Variants in ZNF704 observed in about 807,000 individuals in gnomAD.
ZNF704 encodes the protein glucocorticoid induced gene 1.
In ZNF704, 10 loss-of-function variants were observed where a neutral mutation model predicts 44.7. The observed-to-expected ratio is 0.22, with a 90% confidence interval of 0.14 to 0.38. The LOEUF is 0.38. Among genes scored for constraint, ZNF704 ranks in the 10% least tolerant of loss-of-function variants. ZNF704 has a pLI of 1.00. For synonymous variants in ZNF704, 211 were observed against 207.6 expected, an observed-to-expected ratio of 1.02 and a Z score of -0.14; for missense variants, 390 against 545.5, an observed-to-expected ratio of 0.71 and a Z score of 2.84.
intron 2 of ZNF704, among the ~76,000 whole-genome samples, chr8:80,782,075 G>A (rs1807533329): frequency 6.6e-6 from 1 of 152,206 alleles, no homozygotes; most frequent in Non-Finnish European, 1.5e-5. Flanking sequence ...AGAATGGGCA[G>A]TTGCCTTCCC....
intron 2 of ZNF704, among the ~76,000 whole-genome samples, chr8:80,815,947 G>A (rs998615446): frequency 6.6e-6 from 1 of 152,200 alleles, no homozygotes; most frequent in Non-Finnish European, 1.5e-5. Flanking sequence ...TCACCCTCCT[G>A]TCCATTTTCT....
In ZNF704 at chr8:80,775,720, T is replaced by C. The variant is rs1037258064; in HGVS notation, c.221+45654A>G. ...GGTGGAAGAAATGCAAAAATTATAC[T>C]GTGAGTACAATACAATACAGTTGTT... is the stretch of plus-strand genomic sequence containing the variant. On this transcript the variant is annotated intron_variant, in intron 2 of 8. Transcript: ENST00000327835. Among the ~76,000 whole-genome samples, 3 of 152,220 alleles carry C rather than the reference T, an allele frequency of 2.0e-5. No individual in the cohort carries two copies. In the East Asian group the frequency reaches 5.8e-4, roughly 29 times the overall value.
intron 4 of ZNF704, 111 bp from the exon 5 acceptor site, chr8:80,670,714 G>A (rs1360895065): frequency 2.8e-6 from 2 of 722,906 alleles, no homozygotes; most frequent in African/African-American, 1.7e-5. Flanking sequence ...AGCATCCCCA[G>A]CCTCTTGACT....
intron 2 of ZNF704, among the ~76,000 whole-genome samples, chr8:80,730,777 G>T (rs1806568318): frequency 6.6e-6 from 1 of 152,058 alleles, no homozygotes; most frequent in South Asian, 2.1e-4. Flanking sequence ...ATACCAGGGA[G>T]AAGTTAATCT....
At chr8:80,729,470 T>C (rs967639561) in intron 2 of ZNF704, among the ~76,000 whole-genome samples, 7 of 152,120 alleles carry the variant, frequency 4.6e-5, no homozygotes, top group Non-Finnish European at 1.0e-4. Context: ...AGCTCAATAA[T>C]GGGAAGGGTA....
chr8:80,786,880 CAGA>C (rs1385416401), intron 2 of ZNF704, among the ~76,000 whole-genome samples: 1 of 152,064 alleles, frequency 6.6e-6, no homozygotes, highest in African/African-American at 2.4e-5. Context: ...GCTGATAGCC[CAGA>C]AGATCAGGAT....
chr8:80,875,028 C>T (rs953706677), upstream of ZNF704, among the ~76,000 whole-genome samples: 4 of 152,148 alleles, frequency 2.6e-5, no homozygotes, highest in African/African-American at 4.8e-5. Flanking sequence ...TTCCAAGAAG[C>T]TTTCTGTTTG....
chr8:80,874,547 G>A lies in ZNF704; in HGVS notation c.-22+24C>T, dbSNP rs945805656. 2 of 151,916 alleles carry A rather than the reference G, an allele frequency of 1.3e-5. No homozygotes were observed. The highest frequency in any genetic ancestry group is 4.8e-5 in the African/African-American group (2 of 41,376). 9.4% of individuals were successfully genotyped at this position (151,916 alleles called of 1,614,324 possible). A position where few individuals can be genotyped will look rare whatever the true frequency, so the allele number is the denominator to read the frequency against. On this transcript the variant is annotated intron_variant, in intron 1 of 8. Coordinates refer to ENST00000327835, the MANE Select transcript of ZNF704 (RefSeq NM_001033723.3). This position sits in a 1 kb window ranked among gnomAD's most constrained non-coding sequence, Gnocchi z 4.4. ...GGTCCCCCCGCTCAGACAAAACCCGGACTGGATTTTTTTTTTCTCTTACCC... is the reference window on the plus strand; with the variant it reads ...GGTCCCCCCGCTCAGACAAAACCCGAACTGGATTTTTTTTTTCTCTTACCC...
At chr8:80,710,143 ACCT>A (rs1159391586) in intron 2 of ZNF704, among the ~76,000 whole-genome samples, 1 of 151,820 alleles carries the variant, frequency 6.6e-6, no homozygotes, top group African/African-American at 2.4e-5. Flanking sequence ...TGACCTTCCT[ACCT>A]CCTATCTTCC....
rs74994175 is a variant in ZNF704 at position 80,806,458 on chromosome 8, A to T, written c.221+14916T>A. Reference sequence around the variant, plus strand: ...CCCATTTCATTTCCAGCCTAGGTAGACAGAAGATGAAAAGGTTTGTGTTTT... The same window carrying T: ...CCCATTTCATTTCCAGCCTAGGTAGTCAGAAGATGAAAAGGTTTGTGTTTT... On this transcript the variant is annotated intron_variant, in intron 2 of 8. Coordinates refer to ENST00000327835, the MANE Select transcript of ZNF704 (RefSeq NM_001033723.3). 1.6e-3 allele frequency among the ~76,000 whole-genome samples: 251 copies of T among 152,290 alleles called. 9 individuals are homozygous for T. In the East Asian group the frequency reaches 0.043, roughly 26 times the overall value.
chr8:80,772,177 A>AT (rs1014654814), intron 2 of ZNF704, among the ~76,000 whole-genome samples: 8 of 151,930 alleles, frequency 5.3e-5, no homozygotes, highest in South Asian at 4.2e-4. Flanking sequence ...CTGTATTCTT[A>AT]TTTTTTTTGT....
intron 5 of ZNF704, among the ~76,000 whole-genome samples, chr8:80,666,044 G>A (rs1468825980): frequency 1.1e-4 from 17 of 151,398 alleles, no homozygotes; most frequent in African/African-American, 1.9e-4. Context: ...TACATGTGCC[G>A]TGCTGGTGCG....
At position 80,628,967 on chromosome 8, in the gene ZNF704, G is replaced by C. The variant is rs1437573764; in HGVS notation, c.*12399C>G. On this transcript the variant is annotated 3_prime_UTR_variant, in exon 9 of 9. Transcript: ENST00000327835. ...TGAACATTTAACATTGTACATCTTC[G>C]ATCTGAAAATTTCCTTCTGTTTCAA... The C allele has an allele frequency of 2.0e-5, 3 of 152,060 alleles. No individual in the cohort carries two copies. The highest frequency in any genetic ancestry group is 2.9e-5 in the Non-Finnish European group (2 of 68,016). 9.4% of individuals were successfully genotyped at this position (152,060 alleles called of 1,614,324 possible).
intron 4 of ZNF704, among the ~76,000 whole-genome samples, chr8:80,674,429 G>A (rs138023974): frequency 1.2e-3 from 176 of 152,296 alleles, no homozygotes; most frequent in African/African-American, 3.9e-3. Context: ...GAAGCATGGC[G>A]CCAGCACCTG....
In ZNF704 at chr8:80,821,546, T is replaced by C. The variant is rs1259746068; in HGVS notation, c.49A>G (p.Lys17Glu). The C allele has an allele frequency of 6.2e-7, 1 of 1,614,022 alleles. No individual in the cohort carries two copies. The highest frequency in any genetic ancestry group is 1.3e-5 in the African/African-American group (1 of 74,948). Reference sequence around the variant, plus strand: ...GAAAACACGTGTTGATGAGACATTTTTTTACCACAGTCACGTTTTAAGTCC... The same window carrying C: ...GAAAACACGTGTTGATGAGACATTTCTTTACCACAGTCACGTTTTAAGTCC... ...SEDLKRDCGK[K>E]MSHQHVFSLA... Residue 17 changes from lysine to glutamate, a missense_variant, in exon 2 of 9, where the codon AAA (lysine) becomes GAA (glutamate). By Grantham distance (56) the Lys-to-Glu change is moderately conservative. Around this residue, in one of 3 missense-constraint regions of ZNF704, gnomAD observed 80 missense variants for 83.7 expected, o/e 0.96. Transcript: ENST00000327835.
At chr8:80,833,455 ACTC>A (rs1237479459) in intron 1 of ZNF704, among the ~76,000 whole-genome samples, 3 of 152,172 alleles carry the variant, frequency 2.0e-5, no homozygotes, top group Non-Finnish European at 4.4e-5. Context: ...ACAGAACTCT[ACTC>A]CTTATTTTAA....
At position 80,673,870 on chromosome 8, in the gene ZNF704, G is replaced by T. The variant is rs191051459; in HGVS notation, c.559-3267C>A. Among the ~76,000 whole-genome samples the T allele has an allele frequency of 2.8e-3, 433 of 152,324 alleles. 3 individuals are homozygous for T. Among genetic ancestry groups the T allele is most frequent in the African/African-American group, 9.7e-3 (405 of 41,586 alleles). On this transcript the variant is annotated intron_variant, in intron 4 of 8. Transcript: ENST00000327835. ...CACGGAAGGAGCCCACTGTTCACAT[G>T]GGCTTCGTGAGCCCAGGGCCCACTG...
chr8:80,696,131 T>C (rs1160225623), intron 2 of ZNF704, among the ~76,000 whole-genome samples: 1 of 152,234 alleles, frequency 6.6e-6, no homozygotes, highest in Non-Finnish European at 1.5e-5. Flanking sequence ...AAAGTAGAAT[T>C]TGTTACACTT....
At chr8:80,658,839 G>T (rs1818055404) in intron 7 of ZNF704, 1 of 152,220 alleles carries the variant, frequency 6.6e-6, no homozygotes, top group Non-Finnish European at 1.5e-5. Context: ...TCCTTGGGGA[G>T]ACGGGTGGAG....
Sources: gnomAD v4.1 joint callset for allele counts (sites outside exome capture counted in the v4.1 genomes callset) on GRCh38, gnomAD v4.1.1 for gene constraint, gnomAD v4.1.1 regional missense constraint, Gnocchi (gnomAD v3.1) non-coding constraint, MANE v1.5 for transcripts, NCBI Gene and HGNC (gene_info 2026-07-23, HGNC 2026-07-21) for gene names.